Variants in LRP1B observed in about 807,000 individuals in gnomAD.
LRP1B encodes the protein LDL receptor related protein 1B, also known as low-density lipoprotein receptor-related protein 1B.
Under a neutral mutation model 556.6 loss-of-function variants are expected in LRP1B, and 217 were observed. The ratio of observed to expected loss-of-function variants is 0.39; its 90% CI spans 0.35 to 0.44. The LOEUF (loss-of-function observed/expected upper bound fraction) is 0.44, where lower values mean the gene tolerates loss of function less well. Among genes scored for constraint, LRP1B ranks in the 20% least tolerant of loss-of-function variants. LRP1B has a pLI of 1.00. For missense variants in LRP1B, 5,053 were observed against 5,620.8 expected, an observed-to-expected ratio of 0.90 and a Z score of 3.23; for synonymous variants, 2,047 against 1,865.8, an observed-to-expected ratio of 1.10 and a Z score of -2.50.
chr2:141,578,931 A>G (rs1406981498), intron 2 of LRP1B, among the ~76,000 whole-genome samples: 3 of 152,218 alleles, frequency 2.0e-5, no homozygotes, highest in Non-Finnish European at 2.9e-5. Context: ...TTTGCAATAC[A>G]TGACGATTTG....
intron 3 of LRP1B, among the ~76,000 whole-genome samples, chr2:141,263,616 T>C (rs939004294): frequency 3.9e-5 from 6 of 152,226 alleles, no homozygotes; most frequent in South Asian, 2.1e-4. Flanking sequence ...TAAGCCCTTC[T>C]AGAAAACAGA....
intron 7 of LRP1B, among the ~76,000 whole-genome samples, chr2:141,178,076 A>G (rs1376653030): frequency 4.6e-5 from 7 of 152,130 alleles, no homozygotes; most frequent in Non-Finnish European, 8.8e-5. Flanking sequence ...CTAATTTGCA[A>G]ACAAAACCAG....
At chr2:141,996,796 T>C (rs556696113) in intron 1 of LRP1B, among the ~76,000 whole-genome samples, 2 of 147,528 alleles carry the variant, frequency 1.4e-5, no homozygotes, top group African/African-American at 2.5e-5. Flanking sequence ...TCCTTTGGGG[T>C]TTTTATATAC....
chr2:141,270,161 C>A (rs935768272), intron 3 of LRP1B, among the ~76,000 whole-genome samples: 1 of 151,812 alleles, frequency 6.6e-6, no homozygotes, highest in African/African-American at 2.4e-5. Context: ...ACGCAAATTG[C>A]CAATAATCAT....
At chr2:140,402,930 A>G (rs576378796) in intron 66 of LRP1B, among the ~76,000 whole-genome samples, 1 of 152,116 alleles carries the variant, frequency 6.6e-6, no homozygotes, top group South Asian at 2.1e-4. Flanking sequence ...TGCCATTACA[A>G]CTCCTTAGGA....
In LRP1B at chr2:140,850,554, A is replaced by G. The variant is rs191556804; in HGVS notation, c.4712-225T>C. On this transcript the variant is annotated intron_variant, in intron 28 of 90. Transcript: ENST00000389484. ...TACATCATCATTTTTCTTTAGCTAGAAACACCCAAACATTCTCAGTAATCA... is the reference window on the plus strand; with the variant it reads ...TACATCATCATTTTTCTTTAGCTAGGAACACCCAAACATTCTCAGTAATCA... Among the ~76,000 whole-genome samples the G allele has an allele frequency of 1.4e-4, 22 of 152,292 alleles. No individual in the cohort carries two copies. In the East Asian group the frequency reaches 2.5e-3, roughly 17 times the overall value.
chr2:141,385,159 A>G (rs2104894635), intron 3 of LRP1B, among the ~76,000 whole-genome samples: 1 of 152,344 alleles, frequency 6.6e-6, no homozygotes, highest in Middle Eastern at 3.4e-3. Flanking sequence ...TAAATGTTAT[A>G]GATGTTAATT....
chr2:142,067,801 A>G (rs2104905103), intron 1 of LRP1B, among the ~76,000 whole-genome samples: 1 of 151,784 alleles, frequency 6.6e-6, no homozygotes, highest in East Asian at 1.9e-4. Context: ...TCTTATGAGC[A>G]TATAGAGCAA....
intron 35 of LRP1B, among the ~76,000 whole-genome samples, chr2:140,746,835 T>C (rs1688330443): frequency 6.6e-6 from 1 of 151,992 alleles, no homozygotes; most frequent in Middle Eastern, 3.4e-3. Flanking sequence ...AGGGTAAACC[T>C]ATGTTCATTA....
intron 66 of LRP1B, among the ~76,000 whole-genome samples, chr2:140,439,870 T>C (rs957819548): frequency 6.6e-6 from 1 of 152,084 alleles, no homozygotes; most frequent in African/African-American, 2.4e-5. Context: ...TCAGTAAATA[T>C]AAATATAGAA....
chr2:141,613,282 A>AT (rs1351409166), intron 2 of LRP1B, among the ~76,000 whole-genome samples: 3 of 152,114 alleles, frequency 2.0e-5, no homozygotes, highest in African/African-American at 7.2e-5. Flanking sequence ...TAGGTCCTGT[A>AT]GTCATTGACA....
Position 141,232,263 on chromosome 2 carries a change from A to G in LRP1B, c.593-2823T>C, listed in dbSNP as rs1683499315. ...TTGGATCATAGATTTCTCAGGTGAT[A>G]GTAAAATCTTAGATGGGTGTGTTAT... is the stretch of plus-strand genomic sequence containing the variant. On this transcript the variant is annotated intron_variant, in intron 5 of 90. Transcript: ENST00000389484. Among the ~76,000 whole-genome samples the G allele has an allele frequency of 2.0e-5, 3 of 152,206 alleles. No homozygotes were observed. The South Asian group carries it at 6.2e-4, about 31-fold the overall frequency.
At chr2:140,631,701 AGAAAT>A (rs1683892262) in intron 41 of LRP1B, among the ~76,000 whole-genome samples, 1 of 152,172 alleles carries the variant, frequency 6.6e-6, no homozygotes, top group Non-Finnish European at 1.5e-5. Context: ...TTATTGGAAA[AGAAAT>A]GAGAAGGAAG....
At chr2:140,410,544 G>A (rs1025995216) in intron 66 of LRP1B, among the ~76,000 whole-genome samples, 2 of 151,900 alleles carry the variant, frequency 1.3e-5, no homozygotes, top group Non-Finnish European at 2.9e-5. Context: ...CGCTATGAAA[G>A]AAGTCCAAAA....
intron 3 of LRP1B, among the ~76,000 whole-genome samples, chr2:141,470,940 C>A (rs12472911): frequency 3.9e-5 from 6 of 152,128 alleles, no homozygotes; most frequent in African/African-American, 1.4e-4. Flanking sequence ...AGTAAACATA[C>A]CTTCCAAATT....
intron 2 of LRP1B, among the ~76,000 whole-genome samples, chr2:141,746,324 G>T (rs147133074): frequency 1.7e-4 from 26 of 152,272 alleles, no homozygotes; most frequent in Non-Finnish European, 3.4e-4. Flanking sequence ...TATTCAGACT[G>T]CTGGGATGGG....
intron 41 of LRP1B, among the ~76,000 whole-genome samples, chr2:140,619,471 T>A (rs560220639): frequency 6.6e-6 from 1 of 152,254 alleles, no homozygotes; most frequent in South Asian, 2.1e-4. Flanking sequence ...TGAAAGACTG[T>A]GGCACTCAAA....
intron 42 of LRP1B, among the ~76,000 whole-genome samples, chr2:140,599,636 T>C (rs1317923862): frequency 6.6e-6 from 1 of 152,166 alleles, no homozygotes; most frequent in Non-Finnish European, 1.5e-5. Flanking sequence ...AGTTGTGACA[T>C]TTAAAATAAA....
chr2:140,957,475 GT>G (rs1046580456), intron 18 of LRP1B, among the ~76,000 whole-genome samples: 3 of 149,204 alleles, frequency 2.0e-5, no homozygotes, highest in Non-Finnish European at 3.0e-5. Flanking sequence ...CACCTAGGAA[GT>G]ACATATACAA....
Sources: allele counts gnomAD v4.1 joint callset (sites outside exome capture counted in the v4.1 genomes callset), GRCh38; gene constraint gnomAD v4.1.1; transcripts MANE v1.5; gene names NCBI Gene and HGNC (gene_info 2026-07-23, HGNC 2026-07-21).